The following SUCLA2 variants were observed in gnomAD, a reference collection of about 807,000 sequenced individuals.
SUCLA2 encodes succinate--CoA ligase [ADP-forming] subunit beta, mitochondrial.
A neutral mutation model predicts 54.8 loss-of-function variants in SUCLA2; 30 were observed. The ratio of observed to expected loss-of-function variants is 0.55; its 90% confidence interval spans 0.41 to 0.74. SUCLA2 has a LOEUF of 0.74. Among genes scored for constraint, SUCLA2 ranks in the 30% least tolerant of loss-of-function variants. SUCLA2 has a pLI of 0.00. For synonymous variants in SUCLA2, 172 were observed against 188.9 expected, an observed-to-expected ratio of 0.91 and a Z score of 0.74; for missense variants, 476 against 562.9, an observed-to-expected ratio of 0.85 and a Z score of 1.56.
chr13:47,966,888 C>T (rs1203000918), intron 6 of SUCLA2, among the ~76,000 whole-genome samples: 1 of 151,998 alleles, frequency 6.6e-6, no homozygotes, highest in Non-Finnish European at 1.5e-5. Flanking sequence ...ATGGTGGTGG[C>T]ATGGGCCTGT....
In SUCLA2 at chr13:47,985,343, T is replaced by G. The variant is rs7983509; in HGVS notation, c.534+3198A>C. Among the ~76,000 whole-genome samples, 658 of 152,208 alleles carry G rather than the reference T, an allele frequency of 4.3e-3. 7 individuals are homozygous for G. Among genetic ancestry groups the G allele is most frequent in the African/African-American group, 0.015 (611 of 41,550 alleles). ...ACAGATCATCCCATCACCCAGGTAT[T>G]AAGCCCAACATTCACTAGCTATTCT... On this transcript the variant is annotated intron_variant, in intron 4 of 10. Transcript: ENST00000646932.
At chr13:47,962,535 A>G (rs1949878919) in intron 6 of SUCLA2, among the ~76,000 whole-genome samples, 1 of 152,204 alleles carries the variant, frequency 6.6e-6, no homozygotes, top group African/African-American at 2.4e-5. Context: ...GTAGATTGGT[A>G]GAAGCTTATT....
intron 6 of SUCLA2, among the ~76,000 whole-genome samples, chr13:47,964,251 TA>T (rs754090011): frequency 5.5e-5 from 8 of 146,246 alleles, no homozygotes; most frequent in African/African-American, 1.3e-4. Flanking sequence ...ATTCTCAAAA[TA>T]AAAAAAAAAC....
At chr13:47,998,497 C>A (rs1481402563) in intron 1 of SUCLA2, among the ~76,000 whole-genome samples, 1 of 151,978 alleles carries the variant, frequency 6.6e-6, no homozygotes, top group Admixed American at 6.6e-5. Flanking sequence ...CAGAAATTAG[C>A]TGATTGCCCA....
chr13:47,985,223 CT>C (rs767367550), intron 4 of SUCLA2, among the ~76,000 whole-genome samples: 7 of 151,674 alleles, frequency 4.6e-5, no homozygotes, highest in South Asian at 2.1e-4. Flanking sequence ...TTTGCTTATT[CT>C]TTTTTTTTCT....
At chr13:47,980,193 G>A (rs938341575) in intron 4 of SUCLA2, among the ~76,000 whole-genome samples, 2 of 152,158 alleles carry the variant, frequency 1.3e-5, no homozygotes, top group African/African-American at 4.8e-5. Context: ...GAGGCGGGCA[G>A]ATCATGAGGT....
At chr13:47,968,341 T>C (rs1949935537) in intron 6 of SUCLA2, among the ~76,000 whole-genome samples, 1 of 152,232 alleles carries the variant, frequency 6.6e-6, no homozygotes, top group South Asian at 2.1e-4. Flanking sequence ...TATTGGACAG[T>C]ACAGTTCCGA....
intron 4 of SUCLA2, among the ~76,000 whole-genome samples, chr13:47,981,153 A>G (rs561050236): frequency 6.6e-6 from 1 of 152,370 alleles, no homozygotes; most frequent in South Asian, 2.1e-4. Flanking sequence ...AACAAAGTAA[A>G]AAGGCAATCT....
chr13:47,951,224 T>C (rs1221247484), intron 8 of SUCLA2, among the ~76,000 whole-genome samples: 1 of 152,056 alleles, frequency 6.6e-6, no homozygotes, highest in Non-Finnish European at 1.5e-5. Flanking sequence ...CATTCTCCGC[T>C]CAACCTCCTT....
chr13:47,996,987 G>A lies in SUCLA2; in HGVS notation c.127C>T (p.Leu43Phe), dbSNP rs1950196937. 1 of 1,613,908 alleles carries A rather than the reference G, an allele frequency of 6.2e-7. No homozygotes were observed. Among genetic ancestry groups the A allele is most frequent in the African/African-American group, 1.3e-5 (1 of 74,886 alleles). Reference protein sequence around the residue: ...GSSGLFNNHGLQVQQQQQRNL... With the variant: ...GSSGLFNNHGFQVQQQQQRNL... ...CTTTGCTGTTGCTGCTGTACTTGGA[G>A]TCCATGGTTATTAAACAATCCAGAA... The change falls in exon 2 of 11, where the codon CTC becomes TTC. Residue 43 changes from leucine (L) to phenylalanine (F), a missense_variant. This residue lies in a region of SUCLA2 where 134 missense variants were observed against 118.7 expected (regional missense o/e 1.13). Transcript: ENST00000646932.
intron 1 of SUCLA2, 150 bp downstream of exon 1, chr13:48,001,030 G>C: frequency 3.4e-6 from 5 of 1,483,674 alleles, no homozygotes; most frequent in South Asian, 1.3e-5. Context: ...CTGGCGAGCA[G>C]CACTCCCAGG....
intron 4 of SUCLA2, among the ~76,000 whole-genome samples, chr13:47,983,535 G>A (rs1000293463): frequency 5.3e-5 from 8 of 150,870 alleles, no homozygotes; most frequent in Admixed American, 4.6e-4. Context: ...TGTCGCCCAG[G>A]CTGGAGTGCA....
intron 4 of SUCLA2, among the ~76,000 whole-genome samples, chr13:47,984,540 G>T (rs550066155): frequency 3.3e-4 from 50 of 152,126 alleles, no homozygotes; most frequent in African/African-American, 1.2e-3. Flanking sequence ...TTCTTCTCTT[G>T]TTGGTATTTT....
intron 4 of SUCLA2, among the ~76,000 whole-genome samples, chr13:47,984,995 C>A (rs1950089601): frequency 6.6e-6 from 1 of 152,010 alleles, no homozygotes; most frequent in Non-Finnish European, 1.5e-5. Context: ...ACCAAAAGTA[C>A]CCAACAGGCA....
intron 4 of SUCLA2, among the ~76,000 whole-genome samples, chr13:47,982,282 T>G (rs1033493286): frequency 6.6e-6 from 1 of 152,148 alleles, no homozygotes; most frequent in Non-Finnish European, 1.5e-5. Context: ...TAAGGAAACT[T>G]TGTCATATGC....
At chr13:47,997,285 C>T (rs1950198800) in intron 1 of SUCLA2, among the ~76,000 whole-genome samples, 1 of 152,172 alleles carries the variant, frequency 6.6e-6, no homozygotes, top group South Asian at 2.1e-4. Context: ...CAATGATCTA[C>T]AGGGCAGTTC....
chr13:47,957,794 C>T (rs1466600108), intron 6 of SUCLA2, among the ~76,000 whole-genome samples: 2 of 152,148 alleles, frequency 1.3e-5, no homozygotes, highest in Admixed American at 6.5e-5. Context: ...GTTGGATCAG[C>T]TCCTCTCAAT....
At chr13:47,956,168 G>T (rs1474121302) in intron 6 of SUCLA2, among the ~76,000 whole-genome samples, 7 of 152,122 alleles carry the variant, frequency 4.6e-5, no homozygotes, top group Non-Finnish European at 1.0e-4. Flanking sequence ...CATGTTTAAG[G>T]ATTTAAGAGA....
chr13:47,997,036 G>A lies in SUCLA2; in HGVS notation c.91-13C>T. On this transcript the variant is annotated splice_polypyrimidine_tract_variant and intron_variant, in intron 1 of 10. Transcript: ENST00000646932. ...AACTTCCCAGAACCTAGAAAGATTG[G>A]GGACATATTTATATATGACAGTGAT... The A allele has an allele frequency of 6.2e-7, 1 of 1,613,854 alleles. No homozygotes were observed. The highest frequency in any genetic ancestry group is 1.1e-5 in the South Asian group (1 of 91,062).
Sources: gnomAD v4.1 joint callset for allele counts (sites outside exome capture counted in the v4.1 genomes callset) on GRCh38, gnomAD v4.1.1 for gene constraint, gnomAD v4.1.1 regional missense constraint, MANE v1.5 for transcripts, NCBI Gene and HGNC (gene_info 2026-07-23, HGNC 2026-07-21) for gene names.